ATXN2: variants seen among roughly 807,000 people sequenced by gnomAD.
ATXN2 encodes ataxin-2.
ATXN2 carries 37 observed loss-of-function variants against 138.6 expected under a neutral mutation model. The ratio of observed to expected loss-of-function variants is 0.27; its 90% CI spans 0.21 to 0.35. ATXN2 has a LOEUF of 0.35. Ranked by LOEUF, ATXN2 falls within the 10% of genes least tolerant of loss-of-function variation. The pLI, the probability that ATXN2 is intolerant of heterozygous loss-of-function variation, is 1.00. For synonymous variants in ATXN2, 549 were observed against 543.7 expected, an observed-to-expected ratio of 1.01 and a Z score of -0.13; for missense variants, 1,216 against 1,480.3, an observed-to-expected ratio of 0.82 and a Z score of 2.93.
chr12:111,524,855 C>G (rs1159175812), intron 6 of ATXN2, among the ~76,000 whole-genome samples: 2 of 152,108 alleles, frequency 1.3e-5, no homozygotes, highest in African/African-American at 4.8e-5. Flanking sequence ...CTTAGGCTAC[C>G]TTATTTGGCT....
Position 111,554,217 on chromosome 12 carries a change from T to C in ATXN2, c.289A>G (p.Ile97Val). 1 of 1,396,280 alleles carries C rather than the reference T, an allele frequency of 7.2e-7. No individual in the cohort carries two copies. The highest frequency in any genetic ancestry group is 9.5e-7 in the Non-Finnish European group (1 of 1,052,880). 86.5% of individuals were successfully genotyped at this position (1,396,280 alleles called of 1,614,324 possible). A position where few individuals can be genotyped will look rare whatever the true frequency, so the allele number is the denominator to read the frequency against. ...NSNKGLPQST[I>V]SFDGIYANMR... ...TTTGCATAGATTCCATCAAAAGAAATCTGGAATATTAAAAAAAAAAAAAAC... is the reference window on the plus strand; with the variant it reads ...TTTGCATAGATTCCATCAAAAGAAACCTGGAATATTAAAAAAAAAAAAAAC... The change falls in exon 3 of 25, where the codon ATT (isoleucine) becomes GTT (valine). Residue 97 changes from isoleucine (I) to valine (V), a missense_variant and splice_region_variant. By Grantham distance (29) the Ile-to-Val change is conservative. Transcript: ENST00000673436.
chr12:111,486,884 C>A, intron 15 of ATXN2, 60 bp from the exon 16 acceptor site: 1 of 1,382,936 alleles, frequency 7.2e-7, no homozygotes, highest in Non-Finnish European at 1.0e-6. Context: ...CTAAAATCTT[C>A]CATACCTGAC....
At chr12:111,462,914 ATTAAAT>A (rs1214560246) in intron 21 of ATXN2, among the ~76,000 whole-genome samples, 1 of 152,060 alleles carries the variant, frequency 6.6e-6, no homozygotes, top group African/African-American at 2.4e-5. Flanking sequence ...CTATTAAAGG[ATTAAAT>A]TTAACATTTC....
intron 21 of ATXN2, 26 bp downstream of exon 21, chr12:111,464,636 A>G (rs200749328): frequency 7.5e-4 from 1,171 of 1,567,224 alleles, no homozygotes; most frequent in Middle Eastern, 2.2e-3. Flanking sequence ...GTACAATTAA[A>G]AATTAGTATA....
intron 21 of ATXN2, among the ~76,000 whole-genome samples, chr12:111,462,963 CATAT>C (rs371550351): frequency 4.2e-4 from 62 of 148,294 alleles, no homozygotes; most frequent in African/African-American, 1.5e-3. Flanking sequence ...TACACACATA[CATAT>C]ATATATATAT....
chr12:111,534,363 C>G (rs1411958910), intron 5 of ATXN2, among the ~76,000 whole-genome samples: 2 of 151,838 alleles, frequency 1.3e-5, no homozygotes, highest in Non-Finnish European at 2.9e-5. Flanking sequence ...ATCTGCATCA[C>G]CACACTCCAA....
chr12:111,505,174 C>T (rs1048520304), intron 14 of ATXN2, among the ~76,000 whole-genome samples: 1 of 151,990 alleles, frequency 6.6e-6, no homozygotes, highest in African/African-American at 2.4e-5. Flanking sequence ...GCACCACTGC[C>T]CTCCAGCCTA....
intron 14 of ATXN2, among the ~76,000 whole-genome samples, chr12:111,501,246 T>C (rs1878743102): frequency 6.6e-6 from 1 of 152,174 alleles, no homozygotes; most frequent in Non-Finnish European, 1.5e-5. Context: ...ATGAGGTTTT[T>C]AAGTTTGCAG....
At chr12:111,484,243 C>A (rs1877479371) in intron 18 of ATXN2, among the ~76,000 whole-genome samples, 1 of 151,480 alleles carries the variant, frequency 6.6e-6, no homozygotes, top group Non-Finnish European at 1.5e-5. Flanking sequence ...AATTTAAGTT[C>A]AGATTTAAAT....
chr12:111,554,651 G>A (rs1235245292), intron 2 of ATXN2, among the ~76,000 whole-genome samples: 7 of 152,170 alleles, frequency 4.6e-5, no homozygotes, highest in Non-Finnish European at 8.8e-5. Flanking sequence ...GAGGAGGAAG[G>A]ACACAAACCG....
intron 14 of ATXN2, among the ~76,000 whole-genome samples, chr12:111,499,693 A>C (rs1054210200): frequency 2.0e-5 from 3 of 151,972 alleles, no homozygotes; most frequent in Non-Finnish European, 2.9e-5. Context: ...ACAAAACAAA[A>C]AAAAAAGGAA....
At chr12:111,526,388 C>T (rs1433439738) in intron 5 of ATXN2, among the ~76,000 whole-genome samples, 1 of 148,682 alleles carries the variant, frequency 6.7e-6, no homozygotes, top group African/African-American at 2.6e-5. Context: ...TTCTATCAAT[C>T]CATCAAAAAT....
At chr12:111,569,820 A>G (rs1260921589) in intron 1 of ATXN2, among the ~76,000 whole-genome samples, 1 of 152,140 alleles carries the variant, frequency 6.6e-6, no homozygotes, top group South Asian at 2.1e-4. Context: ...TTGGTCATGA[A>G]GCCATGAACA....
In ATXN2 at chr12:111,599,083, A is replaced by G; in HGVS notation, c.-49T>C. The G allele has an allele frequency of 7.3e-7, 1 of 1,378,362 alleles. No homozygotes were observed. Among genetic ancestry groups the G allele is most frequent in the African/African-American group, 1.5e-5 (1 of 65,880 alleles). The allele number at this position is 1,378,362 out of a possible 1,614,324, so 85.4% of individuals were successfully genotyped here. A position where few individuals can be genotyped will look rare whatever the true frequency, so the allele number is the denominator to read the frequency against. On this transcript the variant is annotated 5_prime_UTR_variant, in exon 1 of 25. Coordinates refer to ENST00000673436, the MANE Select transcript of ATXN2 (RefSeq NM_001372574.1). ...CGCACGCCGGGCGGGGACAGCCGGG[A>G]GCCGGGCGCGCCAAGGAGACGCCGG...
At chr12:111,543,117 GTACTGCCTCCA>G (rs1371751335) in intron 5 of ATXN2, among the ~76,000 whole-genome samples, 3 of 151,916 alleles carry the variant, frequency 2.0e-5, no homozygotes, top group Admixed American at 6.6e-5. Flanking sequence ...AATAATCTCT[GTACTGCCTCCA>G]TACTGGCCTC....
chr12:111,553,623 G>T (rs1882242674), intron 3 of ATXN2, among the ~76,000 whole-genome samples: 1 of 75,220 alleles, frequency 1.3e-5, no homozygotes, highest in African/African-American at 1.4e-4. Context: ...TTTGAGAAGG[G>T]GTCTGTCTGG....
At chr12:111,518,599 A>AC (rs551079044) in intron 8 of ATXN2, among the ~76,000 whole-genome samples, 172 bp from the exon 9 acceptor site, 4 of 152,080 alleles carry the variant, frequency 2.6e-5, no homozygotes, top group African/African-American at 9.7e-5. Context: ...CTGAGTTCTA[A>AC]CCTCTGGACT....
chr12:111,583,257 C>G (rs1040433236), intron 1 of ATXN2, among the ~76,000 whole-genome samples: 1 of 152,002 alleles, frequency 6.6e-6, no homozygotes, highest in Non-Finnish European at 1.5e-5. Flanking sequence ...TCCCAAAGTG[C>G]TGGGATTATA....
At position 111,502,401 on chromosome 12, in the gene ATXN2, A is replaced by G. The variant is rs563550272; in HGVS notation, c.1935+7148T>C. ...CTGCTGTATTTCCTCTCTGCACTAT[A>G]CTAAATCTAATGGAAAACTTAAGTT... On this transcript the variant is annotated intron_variant, in intron 14 of 24. Transcript: ENST00000673436. Among the ~76,000 whole-genome samples, 26 of 152,148 alleles carry G rather than the reference A, an allele frequency of 1.7e-4. No homozygotes were observed. The South Asian group carries it at 5.0e-3, about 29-fold the overall frequency.
Sources: allele counts gnomAD v4.1 joint callset (sites outside exome capture counted in the v4.1 genomes callset), GRCh38; gene constraint gnomAD v4.1.1; transcripts MANE v1.5; gene names NCBI Gene and HGNC (gene_info 2026-07-23, HGNC 2026-07-21).